The following CNTNAP5 variants were observed in gnomAD, a reference collection of about 807,000 sequenced individuals.
The protein encoded by CNTNAP5 is contactin associated protein family member 5.
CNTNAP5 carries 72 observed loss-of-function variants against 150.2 expected under a neutral mutation model. The observed-to-expected ratio is 0.48, with a 90% confidence interval of 0.40 to 0.58. The LOEUF (loss-of-function observed/expected upper bound fraction) is 0.58, where lower values mean the gene tolerates loss of function less well. CNTNAP5 is among the 20% of genes least tolerant of loss of function. The pLI, the probability that CNTNAP5 is intolerant of heterozygous loss-of-function variation, is 0.00. For synonymous variants in CNTNAP5, 672 were observed against 619.8 expected (o/e 1.08, Z -1.25); for missense variants, 1,636 against 1,626.2 (o/e 1.01, Z -0.10).
chr2:124,117,637 T>A (rs1211843629), intron 1 of CNTNAP5, among the ~76,000 whole-genome samples: 1 of 152,188 alleles, frequency 6.6e-6, no homozygotes, highest in Non-Finnish European at 1.5e-5. Context: ...AAAAAAAGCC[T>A]TGTTCAGCAT....
At chr2:124,479,369 A>G (rs1282640467) in intron 7 of CNTNAP5, among the ~76,000 whole-genome samples, 1 of 152,168 alleles carries the variant, frequency 6.6e-6, no homozygotes, top group African/African-American at 2.4e-5. Flanking sequence ...CCCAGAGGCA[A>G]GGAGCATAAC....
chr2:124,052,411 G>A (rs1342588458), intron 1 of CNTNAP5, among the ~76,000 whole-genome samples: 1 of 152,216 alleles, frequency 6.6e-6, no homozygotes, highest in East Asian at 1.9e-4. Flanking sequence ...ACAGGACACA[G>A]CACCAGAGTT....
chr2:124,512,269 G>T (rs544806242), intron 8 of CNTNAP5, among the ~76,000 whole-genome samples: 1 of 151,864 alleles, frequency 6.6e-6, no homozygotes. Context: ...ACAGTGTACT[G>T]CCCTGATGTC....
At chr2:124,529,520 A>G (rs955968106) in intron 10 of CNTNAP5, among the ~76,000 whole-genome samples, 1 of 152,212 alleles carries the variant, frequency 6.6e-6, no homozygotes, top group Non-Finnish European at 1.5e-5. Context: ...CAGAAGGGAA[A>G]GCTGGGGCAA....
chr2:124,065,849 A>G (rs1262649094), intron 1 of CNTNAP5, among the ~76,000 whole-genome samples: 1 of 152,212 alleles, frequency 6.6e-6, no homozygotes, highest in Non-Finnish European at 1.5e-5. Context: ...TTTAGTTCAC[A>G]GTATTGATAC....
intron 19 of CNTNAP5, among the ~76,000 whole-genome samples, chr2:124,828,745 A>C (rs1682652174): frequency 9.3e-6 from 1 of 108,074 alleles, no homozygotes; most frequent in Non-Finnish European, 1.9e-5. Flanking sequence ...CAAAAAAAAA[A>C]AAAAAAAAAA....
chr2:124,826,200 AACCATATTTCT>A (rs1283331601), intron 19 of CNTNAP5, among the ~76,000 whole-genome samples: 1 of 152,198 alleles, frequency 6.6e-6, no homozygotes, highest in East Asian at 1.9e-4. Context: ...GAAACTTTAT[AACCATATTTCT>A]ACCATATTTG....
intron 2 of CNTNAP5, among the ~76,000 whole-genome samples, 185 bp from the exon 3 acceptor site, chr2:124,242,015 A>T (rs1412735934): frequency 2.0e-5 from 3 of 152,130 alleles, no homozygotes; most frequent in Non-Finnish European, 2.9e-5. Context: ...CATGAGAGAG[A>T]TTTTGATGGA....
chr2:124,722,280 C>A (rs1680065620), intron 13 of CNTNAP5, among the ~76,000 whole-genome samples: 1 of 152,016 alleles, frequency 6.6e-6, no homozygotes, highest in Non-Finnish European at 1.5e-5. Context: ...CTCTAAGGCC[C>A]AAATCTCATT....
At position 124,113,119 on chromosome 2, in the gene CNTNAP5, C is replaced by T. The variant is rs118015891; in HGVS notation, c.82+87387C>T. Among the ~76,000 whole-genome samples the T allele has an allele frequency of 2.5e-3, 381 of 152,264 alleles. 5 individuals carry two copies. In the South Asian group the frequency reaches 0.03, roughly 12 times the overall value. ...ACTAAAATTTAAATGTGTATACCCA[C>T]ATCCCGTGGCTCAACAATTCCACTT... On this transcript the variant is annotated intron_variant, in intron 1 of 23. Coordinates refer to ENST00000682447, the MANE Select transcript of CNTNAP5 (RefSeq NM_001367498.1).
chr2:124,593,870 A>C (rs958800502), intron 11 of CNTNAP5, among the ~76,000 whole-genome samples: 7 of 63,254 alleles, frequency 1.1e-4, no homozygotes, highest in African/African-American at 3.4e-4. Context: ...TTTGATTTGC[A>C]TTTCTCTGAT....
chr2:124,262,368 A>G (rs536170478), intron 3 of CNTNAP5, among the ~76,000 whole-genome samples: 22 of 152,358 alleles, frequency 1.4e-4, no homozygotes, highest in South Asian at 4.1e-4. Flanking sequence ...TGTACACACA[A>G]TAAATCCAGT....
At chr2:124,616,657 C>T (rs1046402550) in intron 12 of CNTNAP5, among the ~76,000 whole-genome samples, 2 of 152,224 alleles carry the variant, frequency 1.3e-5, no homozygotes, top group Non-Finnish European at 2.9e-5. Flanking sequence ...TGGTCTATCT[C>T]CACTTTCAAC....
chr2:124,612,321 T>C lies in CNTNAP5; in HGVS notation c.1876+2401T>C, dbSNP rs147389371. Among the ~76,000 whole-genome samples the C allele has an allele frequency of 2.6e-3, 401 of 152,282 alleles. 1 individual carries two copies. Among genetic ancestry groups the C allele is most frequent in the Non-Finnish European group, 2.7e-3 (185 of 68,022 alleles). The stretch of plus-strand genomic sequence containing the variant: ...ATATATACATACAGACACAGAAATA[T>C]ACATATACATTTAAATTATAAATTT... On this transcript the variant is annotated intron_variant, in intron 12 of 23. Coordinates refer to ENST00000682447, the MANE Select transcript of CNTNAP5 (RefSeq NM_001367498.1).
intron 3 of CNTNAP5, among the ~76,000 whole-genome samples, chr2:124,361,761 T>G (rs1258467387): frequency 1.3e-5 from 2 of 151,998 alleles, no homozygotes; most frequent in African/African-American, 4.8e-5. Context: ...ACTGTCTTTT[T>G]GTTTGTCTGT....
chr2:124,624,486 C>A (rs1238678552), intron 12 of CNTNAP5, among the ~76,000 whole-genome samples: 2 of 152,028 alleles, frequency 1.3e-5, no homozygotes, highest in African/African-American at 4.8e-5. Flanking sequence ...TATTTACTTC[C>A]TCATTTATTT....
In CNTNAP5 at chr2:124,168,513, G is replaced by A. The variant is rs538159192; in HGVS notation, c.83-53192G>A. Among the ~76,000 whole-genome samples the A allele has an allele frequency of 5.9e-5, 9 of 152,328 alleles. No individual in the cohort carries two copies. The South Asian group carries it at 1.9e-3, about 32-fold the overall frequency. On this transcript the variant is annotated intron_variant, in intron 1 of 23. Transcript: ENST00000682447. ...ACATTCAGATGGATGTTAAGAAAGA[G>A]TTGGAGCAAACCTGCTCCGATGTGG...
chr2:124,732,646 G>A (rs940736563), intron 13 of CNTNAP5, among the ~76,000 whole-genome samples: 15 of 152,034 alleles, frequency 9.9e-5, no homozygotes, highest in African/African-American at 3.1e-4. Flanking sequence ...AAGCTATCCA[G>A]TTTATGGAAT....
At chr2:124,064,741 G>A (rs902136440) in intron 1 of CNTNAP5, among the ~76,000 whole-genome samples, 1 of 151,756 alleles carries the variant, frequency 6.6e-6, no homozygotes, top group African/African-American at 2.4e-5. Context: ...ACTACCACTG[G>A]GCTTCAGCTA....
Sources: allele counts gnomAD v4.1 joint callset (sites outside exome capture counted in the v4.1 genomes callset), GRCh38; gene constraint gnomAD v4.1.1; transcripts MANE v1.5; gene names NCBI Gene and HGNC (gene_info 2026-07-23, HGNC 2026-07-21).